MICAL3: variants seen among roughly 807,000 people sequenced by gnomAD.
MICAL3 encodes microtubule associated monooxygenase, calponin and LIM domain containing 3.
Under a neutral mutation model 207.4 loss-of-function variants are expected in MICAL3, and 62 were observed. The ratio of observed to expected loss-of-function variants is 0.30; its 90% confidence interval spans 0.24 to 0.37. MICAL3 has a LOEUF of 0.37. MICAL3 is among the 10% of genes least tolerant of loss of function. The pLI is 1.00. For synonymous variants in MICAL3, 1,077 were observed against 1,069.3 expected (o/e 1.01, Z -0.14); for missense variants, 2,368 against 2,635.6 (o/e 0.90, Z 2.22).
intron 1 of MICAL3, among the ~76,000 whole-genome samples, chr22:17,984,291 C>G (rs1602348167): frequency 6.6e-6 from 1 of 152,250 alleles, no homozygotes; most frequent in Non-Finnish European, 1.5e-5. Flanking sequence ...AGGAAAGGAA[C>G]TAACATTCCC....
chr22:18,020,528 A>G (rs1470886034), intron 1 of MICAL3, among the ~76,000 whole-genome samples: 1 of 150,920 alleles, frequency 6.6e-6, no homozygotes, highest in African/African-American at 2.4e-5. Context: ...TTACACTACT[A>G]TTAACCAGGC....
At chr22:17,950,337 GT>G (rs764642603) in intron 1 of MICAL3, among the ~76,000 whole-genome samples, 1,046 of 89,338 alleles carry the variant, frequency 0.012, 4 homozygotes, top group Non-Finnish European at 0.018. Flanking sequence ...TTTTGTTTTT[GT>G]TTTTTTTTTT....
intron 1 of MICAL3, among the ~76,000 whole-genome samples, chr22:18,016,389 T>A: frequency 6.6e-6 from 1 of 152,222 alleles, no homozygotes; most frequent in East Asian, 1.9e-4. Flanking sequence ...TATTCAGGTA[T>A]AATTCACATA....
At chr22:17,798,026 G>A (rs1226872528) in intron 29 of MICAL3, among the ~76,000 whole-genome samples, 1 of 152,206 alleles carries the variant, frequency 6.6e-6, no homozygotes, top group Non-Finnish European at 1.5e-5. Context: ...GACCAAAAGA[G>A]GGCCAATGAG....
chr22:17,821,767 G>A (rs1921677490), intron 24 of MICAL3, among the ~76,000 whole-genome samples: 1 of 152,222 alleles, frequency 6.6e-6, no homozygotes, highest in Non-Finnish European at 1.5e-5. Flanking sequence ...TGCAGACTCT[G>A]CACACAGAGC....
intron 1 of MICAL3, among the ~76,000 whole-genome samples, chr22:17,938,065 T>C (rs1420104307): frequency 1.3e-5 from 2 of 152,224 alleles, no homozygotes; most frequent in Non-Finnish European, 2.9e-5. Flanking sequence ...TATTAAATTT[T>C]TTTAAAGTGT....
intron 1 of MICAL3, among the ~76,000 whole-genome samples, chr22:18,018,337 T>C (rs910492835): frequency 6.6e-6 from 1 of 152,244 alleles, no homozygotes; most frequent in African/African-American, 2.4e-5. Context: ...TTTCTGTCGG[T>C]ATTTGCTCAA....
At chr22:17,929,553 C>A (rs934772261) in intron 1 of MICAL3, among the ~76,000 whole-genome samples, 6 of 131,004 alleles carry the variant, frequency 4.6e-5, no homozygotes, top group African/African-American at 1.4e-4. Context: ...ATTTTTCTTT[C>A]TTTCCTTTTC....
chr22:17,799,473 T>C (rs937315468), intron 29 of MICAL3, among the ~76,000 whole-genome samples: 3 of 152,230 alleles, frequency 2.0e-5, no homozygotes, highest in Non-Finnish European at 4.4e-5. Context: ...TTTTCCACTC[T>C]GCCTTGCTCA....
At chr22:17,897,009 G>GA in intron 7 of MICAL3, 28 bp from the exon 8 acceptor site, 1 of 1,589,358 alleles carries the variant, frequency 6.3e-7, no homozygotes, top group African/African-American at 1.3e-5. Context: ...GGAGGGTAGG[G>GA]ATGGAGAAGC....
intron 1 of MICAL3, among the ~76,000 whole-genome samples, chr22:17,984,481 C>T (rs1175420940): frequency 6.6e-6 from 1 of 152,224 alleles, no homozygotes; most frequent in East Asian, 1.9e-4. Flanking sequence ...GTGGCCTGTG[C>T]CACCCACAGC....
chr22:17,961,412 G>A (rs907026497), intron 1 of MICAL3, among the ~76,000 whole-genome samples: 2 of 152,150 alleles, frequency 1.3e-5, no homozygotes, highest in African/African-American at 2.4e-5. Context: ...TCAGCCCCGG[G>A]CAACAGACAC....
intron 1 of MICAL3, among the ~76,000 whole-genome samples, chr22:17,970,915 C>T (rs1935383857): frequency 6.6e-6 from 1 of 152,178 alleles, no homozygotes; most frequent in Non-Finnish European, 1.5e-5. Flanking sequence ...GGCATAGTGG[C>T]ACACACCTGT....
At chr22:17,881,095 T>C (rs1239961815) in intron 16 of MICAL3, 2 of 950,900 alleles carry the variant, frequency 2.1e-6, no homozygotes, top group African/African-American at 1.6e-5. Flanking sequence ...GCCTTTCTTC[T>C]TGATAGTTAT....
chr22:17,916,260 G>A (rs762054003), intron 1 of MICAL3, among the ~76,000 whole-genome samples: 63 of 151,988 alleles, frequency 4.1e-4, no homozygotes, highest in African/African-American at 1.3e-3. Flanking sequence ...CGCATGTCTC[G>A]CTGAAGCCAG....
intron 20 of MICAL3, among the ~76,000 whole-genome samples, chr22:17,832,932 G>A (rs1922960881): frequency 6.6e-6 from 1 of 152,194 alleles, no homozygotes; most frequent in Non-Finnish European, 1.5e-5. Flanking sequence ...CAAAGCCACA[G>A]GACAGAGACG....
At chr22:17,798,143 A>T (rs968658490) in intron 29 of MICAL3, among the ~76,000 whole-genome samples, 13 of 152,266 alleles carry the variant, frequency 8.5e-5, no homozygotes, top group African/African-American at 2.9e-4. Flanking sequence ...ACAGAGGTGT[A>T]ATGAGGAAAA....
intron 22 of MICAL3, among the ~76,000 whole-genome samples, chr22:17,825,656 C>T (rs1922100285): frequency 6.6e-6 from 1 of 152,220 alleles, no homozygotes; most frequent in Non-Finnish European, 1.5e-5. Flanking sequence ...ACCGCTAGGA[C>T]AGTGGTGCTG....
intron 1 of MICAL3, among the ~76,000 whole-genome samples, chr22:17,916,787 C>T (rs535334284): frequency 1.3e-5 from 2 of 152,228 alleles, no homozygotes; most frequent in Non-Finnish European, 2.9e-5. Flanking sequence ...AGCCTCTGCA[C>T]GTTGAAATGG....
Sources: gnomAD v4.1 joint callset for allele counts (sites outside exome capture counted in the v4.1 genomes callset) on GRCh38, gnomAD v4.1.1 for gene constraint, MANE v1.5 for transcripts, NCBI Gene and HGNC (gene_info 2026-07-23, HGNC 2026-07-21) for gene names.